The following TEX11 variants were observed in gnomAD, a reference collection of about 807,000 sequenced individuals.
TEX11 encodes testis expressed 11, also known as testis-expressed protein 11.
Under a neutral mutation model 84.4 loss-of-function variants are expected in TEX11, and 7 were observed. That is an observed-to-expected ratio of 0.08 (90% CI 0.05 to 0.16). The LOEUF (loss-of-function observed/expected upper bound fraction) is 0.16. Among genes scored for constraint, TEX11 ranks in the 10% least tolerant of loss-of-function variants. TEX11 has a pLI of 1.00. For synonymous variants in TEX11, 264 were observed against 222.8 expected (o/e 1.18, Z -1.64); for missense variants, 551 against 660.5 (o/e 0.83, Z 1.82).
chrX:70,518,301 C>T, the TEX11 span, among the ~76,000 whole-genome samples: 2 of 111,524 alleles, frequency 1.8e-5, no homozygotes, highest in Admixed American at 9.6e-5. Flanking sequence ...TAAATGTGTC[C>T]CAGAGATTCT....
intron 17 of TEX11, among the ~76,000 whole-genome samples, chrX:70,633,096 A>G (rs2089529545): frequency 8.9e-6 from 1 of 111,733 alleles, no homozygotes; most frequent in Admixed American, 9.5e-5. Context: ...CTGATAGCAA[A>G]ACCAAAAACA....
At chrX:70,684,952 AC>A (rs1008962958) in intron 13 of TEX11, among the ~76,000 whole-genome samples, 1 of 112,239 alleles carries the variant, frequency 8.9e-6, no homozygotes, top group African/African-American at 3.2e-5. Context: ...AAAAACAGAC[AC>A]ATAGACCAAT....
Position 70,750,400 on chromosome X carries a change from T to G in TEX11, c.693-6181A>C, listed in dbSNP as rs1404406434. On this transcript the variant is annotated intron_variant, in intron 9 of 29. Transcript: ENST00000374333. ...GGGATCTAGAACTGGAAATACCATTTGACCCAGCCATCCCATTACTGGGTA... is the reference window on the plus strand; with the variant it reads ...GGGATCTAGAACTGGAAATACCATTGGACCCAGCCATCCCATTACTGGGTA... Among the ~76,000 whole-genome samples the G allele has an allele frequency of 2.7e-5, 3 of 111,678 alleles. 1 individual carries two copies. The highest frequency in any genetic ancestry group is 3.8e-5 in the Non-Finnish European group (2 of 53,144).
At chrX:70,806,275 C>T (rs759915143) in intron 9 of TEX11, among the ~76,000 whole-genome samples, 3 of 110,895 alleles carry the variant, frequency 2.7e-5, no homozygotes, top group East Asian at 5.6e-4. Flanking sequence ...GGCAACATGG[C>T]GAAACCCCTT....
intron 17 of TEX11, among the ~76,000 whole-genome samples, chrX:70,648,351 T>G (rs894249943): frequency 3.6e-5 from 4 of 110,246 alleles, no homozygotes; most frequent in African/African-American, 1.3e-4. Context: ...ACATGGCACA[T>G]GTATACATAT....
At chrX:70,695,244 ATAG>A (rs1478313383) in intron 13 of TEX11, among the ~76,000 whole-genome samples, 2 of 112,435 alleles carry the variant, frequency 1.8e-5, no homozygotes, top group Non-Finnish European at 3.7e-5. Context: ...GAACAGCTGA[ATAG>A]ATAAACAAAT....
intron 25 of TEX11, 21 bp from the exon 26 acceptor site, chrX:70,554,821 C>T: frequency 8.4e-7 from 1 of 1,183,990 alleles, no homozygotes; most frequent in Non-Finnish European, 1.1e-6. Flanking sequence ...GGCAAAAATG[C>T]AACATTCTTT....
intron 5 of TEX11, among the ~76,000 whole-genome samples, chrX:70,859,959 C>T (rs1243381679): frequency 9.0e-6 from 1 of 111,397 alleles, no homozygotes; most frequent in Non-Finnish European, 1.9e-5. Flanking sequence ...GAGGTTGCAG[C>T]GAGCCCAGAT....
intron 25 of TEX11, among the ~76,000 whole-genome samples, chrX:70,563,599 C>T (rs748729657): frequency 9.0e-6 from 1 of 111,379 alleles, no homozygotes; most frequent in South Asian, 3.8e-4. Context: ...TGTTTCATTC[C>T]CTGACATCAG....
At chrX:70,854,016 T>C (rs1232176105) in intron 5 of TEX11, among the ~76,000 whole-genome samples, 2 of 112,186 alleles carry the variant, frequency 1.8e-5, no homozygotes, top group South Asian at 3.7e-4. Flanking sequence ...CATCAGTCAC[T>C]GGATTCAGGT....
At chrX:70,891,741 T>C (rs1362009952) in intron 2 of TEX11, among the ~76,000 whole-genome samples, 1 of 111,269 alleles carries the variant, frequency 9.0e-6, no homozygotes, top group Non-Finnish European at 1.9e-5. Flanking sequence ...TGTGAAAAGA[T>C]CCAACTTACG....
intron 11 of TEX11, among the ~76,000 whole-genome samples, chrX:70,726,829 C>T (rs150860853): frequency 0.059 from 6,245 of 105,477 alleles, 149 homozygotes; most frequent in East Asian, 0.12. Flanking sequence ...CCAGGCCTGG[C>T]TGCTTTTTTT....
intron 13 of TEX11, among the ~76,000 whole-genome samples, chrX:70,704,887 T>G (rs1017097719): frequency 4.5e-5 from 5 of 111,711 alleles, no homozygotes; most frequent in Admixed American, 9.5e-5. Flanking sequence ...ATGTCCTGAA[T>G]GGTATTGCCT....
intron 8 of TEX11, among the ~76,000 whole-genome samples, chrX:70,809,052 T>G (rs2091237268): frequency 9.0e-6 from 1 of 111,588 alleles, no homozygotes; most frequent in Admixed American, 9.6e-5. Context: ...TGAAAGGAAT[T>G]CCCAAGTCAA....
At chrX:70,820,588 G>A (rs1035068287) in intron 8 of TEX11, among the ~76,000 whole-genome samples, 1 of 111,679 alleles carries the variant, frequency 9.0e-6, no homozygotes, top group Non-Finnish European at 1.9e-5. Flanking sequence ...TTATAATCAT[G>A]GCCAGCTTCT....
At chrX:70,888,764 C>T (rs1012355917) in intron 2 of TEX11, among the ~76,000 whole-genome samples, 1 of 111,025 alleles carries the variant, frequency 9.0e-6, no homozygotes, top group Non-Finnish European at 1.9e-5. Context: ...CCAAGAAAAC[C>T]ACCTTAAGGC....
chrX:70,886,946 T>C (rs1368786389), intron 2 of TEX11, among the ~76,000 whole-genome samples: 1 of 111,609 alleles, frequency 9.0e-6, no homozygotes, highest in Non-Finnish European at 1.9e-5. Context: ...CACTAAACTT[T>C]AGAGACTAAA....
intron 13 of TEX11, among the ~76,000 whole-genome samples, chrX:70,707,442 T>C (rs1468848805): frequency 9.0e-6 from 1 of 111,011 alleles, no homozygotes; most frequent in East Asian, 2.8e-4. Context: ...CTCACTCTGA[T>C]CTTCCTGCTA....
intron 7 of TEX11, among the ~76,000 whole-genome samples, chrX:70,841,594 T>C (rs1231487566): frequency 3.6e-5 from 4 of 110,075 alleles, no homozygotes; most frequent in African/African-American, 1.3e-4. Context: ...AGCAAACACA[T>C]TCAAAAGCTA....
Sources: allele counts gnomAD v4.1 joint callset (sites outside exome capture counted in the v4.1 genomes callset), GRCh38; gene constraint gnomAD v4.1.1; transcripts MANE v1.5; gene names NCBI Gene and HGNC (gene_info 2026-07-23, HGNC 2026-07-21).